Variants in NRK observed in about 807,000 individuals in gnomAD.
NRK encodes the protein Nik related kinase, also known as nik-related protein kinase.
Under a neutral mutation model 125.2 loss-of-function variants are expected in NRK, and 67 were observed. The ratio of observed to expected loss-of-function variants is 0.54; its 90% CI spans 0.44 to 0.66. The LOEUF (loss-of-function observed/expected upper bound fraction) is 0.66. Ranked by LOEUF, NRK falls within the 30% of genes least tolerant of loss-of-function variation. NRK has a pLI of 0.00. For missense variants in NRK, 1,224 were observed against 1,192.9 expected, an observed-to-expected ratio of 1.03 and a Z score of -0.38; for synonymous variants, 458 against 429.0, an observed-to-expected ratio of 1.07 and a Z score of -0.84.
intron 2 of NRK, among the ~76,000 whole-genome samples, chrX:105,872,619 C>G (rs973917938): frequency 9.0e-6 from 1 of 111,391 alleles, no homozygotes; most frequent in Non-Finnish European, 1.9e-5. Flanking sequence ...CCTGAATGTT[C>G]TGATCCCATC....
intron 9 of NRK, among the ~76,000 whole-genome samples, chrX:105,905,036 A>G (rs372435964): frequency 5.9e-4 from 66 of 112,499 alleles, no homozygotes; most frequent in African/African-American, 2.0e-3. Flanking sequence ...GTTTATTATT[A>G]ATTTATCCTA....
rs936018978 is a variant in NRK, at chrX:105,908,286, C to T, written c.1068C>T (p.Tyr356=). 3.7e-6 allele frequency: 4 copies of T among 1,073,798 alleles called. No homozygotes were observed. In the Admixed American group the frequency reaches 1.2e-4, roughly 31 times the overall value. 88.5% of individuals were successfully genotyped at this position (1,073,798 alleles called of 1,213,427 possible). Residue 356 remains tyrosine (Y), a synonymous_variant, in exon 12 of 29, where the codon TAC becomes TAT. Coordinates refer to ENST00000243300, the MANE Select transcript of NRK (RefSeq NM_198465.4). ...FEREEAIKEQ[Y]TVRRFRGPSC... is the part of the protein sequence containing the mutation. ...GAGAAGAAGCTATTAAGGAACAGTA[C>T]ACCGTGAGAAGATTCAGGTGCGTTC...
At chrX:105,955,051 A>G (rs922591483) in intron 28 of NRK, among the ~76,000 whole-genome samples, 7 of 111,452 alleles carry the variant, frequency 6.3e-5, no homozygotes, top group Non-Finnish European at 7.5e-5. Flanking sequence ...AAAATAATGA[A>G]AAGAAAAAAA....
chrX:105,912,774 G>A lies in NRK; in HGVS notation c.2349+19G>A, dbSNP rs932009994. The A allele has an allele frequency of 3.7e-6, 3 of 817,198 alleles. No homozygotes were observed. Among genetic ancestry groups the A allele is most frequent in the African/African-American group, 2.1e-5 (1 of 47,270 alleles). The allele number at this position is 817,198 out of a possible 1,213,427, so 67.3% of individuals were successfully genotyped here. On this transcript the variant is annotated intron_variant, in intron 14 of 28. Coordinates refer to ENST00000243300, the MANE Select transcript of NRK (RefSeq NM_198465.4). Reference sequence around the variant, plus strand: ...AATTGAGGTAAATTTTTCAATATGAGTTGTTGTGACATTAGTAAGAACCCA... The same window carrying A: ...AATTGAGGTAAATTTTTCAATATGAATTGTTGTGACATTAGTAAGAACCCA...
intron 8 of NRK, among the ~76,000 whole-genome samples, chrX:105,899,614 T>C (rs1402570229): frequency 1.8e-5 from 2 of 111,972 alleles, no homozygotes; most frequent in Non-Finnish European, 3.8e-5. Context: ...CTTTCACCTG[T>C]ATTCGTTATT....
rs748203697 is a variant in NRK, at chrX:105,895,436, T to C, written c.493T>C (p.Leu165=). The C allele has an allele frequency of 1.9e-5, 22 of 1,185,776 alleles. No individual in the cohort carries two copies. In the African/African-American group the frequency reaches 3.7e-4, roughly 20 times the overall value. The change falls in exon 7 of 29, where the codon TTA becomes CTA. Residue 165 remains leucine, a synonymous_variant. Coordinates refer to ENST00000243300, the MANE Select transcript of NRK (RefSeq NM_198465.4). ...AYICREILQG[L]AHLHAHRVIH... ...GCTTTTTAAAAAATATATACAGGGCTTAGCTCACCTTCACGCACACCGAGT... is the reference window on the plus strand; with the variant it reads ...GCTTTTTAAAAAATATATACAGGGCCTAGCTCACCTTCACGCACACCGAGT...
chrX:105,913,798 T>TG (rs2040331496), intron 14 of NRK, among the ~76,000 whole-genome samples: 1 of 111,525 alleles, frequency 9.0e-6, no homozygotes, highest in Admixed American at 9.6e-5. Context: ...AGCTCTGGTC[T>TG]GGAATGCAGT....
rs775686055 is a variant in NRK at position 105,908,877 on chromosome X, A to AT, written c.1236_1237insT (p.Ala413CysfsTer15). ...AGGCACTTCAGCAGCTACAGGGAGC[A>AT]GCCAGGGTATTCATGCCACTGCAGG... On this transcript the variant is annotated frameshift_variant, in exon 13 of 29. Coordinates refer to ENST00000243300, the MANE Select transcript of NRK (RefSeq NM_198465.4). LOFTEE classifies it high-confidence loss of function. 4 of 1,210,727 alleles carry AT rather than the reference A, an allele frequency of 3.3e-6. No individual in the cohort carries two copies. Among genetic ancestry groups the AT allele is most frequent in the Non-Finnish European group, 3.4e-6 (3 of 894,719 alleles).
At chrX:105,949,552 A>T in intron 26 of NRK, 23 bp from the exon 27 acceptor site, 1 of 1,154,602 alleles carries the variant, frequency 8.7e-7, no homozygotes, top group Non-Finnish European at 1.2e-6. Context: ...GGACATATAA[A>T]TCTTTATGAA....
At chrX:105,918,059 G>T (rs995663228) in intron 16 of NRK, among the ~76,000 whole-genome samples, 4 of 110,713 alleles carry the variant, frequency 3.6e-5, no homozygotes, top group African/African-American at 1.3e-4. Flanking sequence ...TTGTGAGTGT[G>T]TGTTTCATTT....
intron 2 of NRK, among the ~76,000 whole-genome samples, chrX:105,842,977 G>T (rs1169799943): frequency 8.9e-6 from 1 of 111,738 alleles, no homozygotes; most frequent in African/African-American, 3.3e-5. Context: ...TTCAATGACA[G>T]TAGAAAACCA....
intron 2 of NRK, among the ~76,000 whole-genome samples, chrX:105,873,272 T>C (rs2039771268): frequency 1.8e-5 from 2 of 111,712 alleles, no homozygotes; most frequent in Non-Finnish European, 3.8e-5. Context: ...TCAAGGACTG[T>C]CCTGTATTCT....
intron 2 of NRK, among the ~76,000 whole-genome samples, chrX:105,872,123 C>T (rs1394193493): frequency 9.0e-6 from 1 of 111,099 alleles, no homozygotes; most frequent in East Asian, 2.9e-4. Flanking sequence ...GAAGAATTTC[C>T]CAAATTTGAT....
intron 2 of NRK, among the ~76,000 whole-genome samples, chrX:105,850,075 T>C (rs1386153190): frequency 1.8e-5 from 2 of 112,384 alleles, no homozygotes; most frequent in East Asian, 2.8e-4. Flanking sequence ...GCGGCAAACC[T>C]TTGCCTGGTG....
At chrX:105,886,879 A>C (rs199763345) in intron 4 of NRK, among the ~76,000 whole-genome samples, 2 of 111,367 alleles carry the variant, frequency 1.8e-5, no homozygotes, top group East Asian at 5.6e-4. Context: ...ATAGTATGGT[A>C]CTGTCCATCC....
rs1188240203 is a variant in NRK at position 105,955,054 on chromosome X, G to GA, written c.4654-442dup. ...TTTTAATATTAAAAAATAATGAAAA[G>GA]AAAAAAAAAGAAAATTGTACCAAGT... is the stretch of plus-strand genomic sequence containing the variant. On this transcript the variant is annotated intron_variant, in intron 28 of 28. Coordinates refer to ENST00000243300, the MANE Select transcript of NRK (RefSeq NM_198465.4). Among the ~76,000 whole-genome samples the GA allele has an allele frequency of 1.4e-4, 15 of 106,903 alleles. No individual in the cohort carries two copies. In the South Asian group the frequency reaches 2.3e-3, roughly 17 times the overall value. The allele number at this position is 106,903 out of a possible 115,157, so 92.8% of individuals were successfully genotyped here.
chrX:105,914,434 C>T (rs2040339607), intron 14 of NRK, among the ~76,000 whole-genome samples: 1 of 111,371 alleles, frequency 9.0e-6, no homozygotes, highest in South Asian at 3.7e-4. Flanking sequence ...TGAGCTGTGT[C>T]TGATTTGAAA....
chrX:105,851,965 CT>C (rs759042931), intron 2 of NRK, among the ~76,000 whole-genome samples: 178 of 112,117 alleles, frequency 1.6e-3, no homozygotes, highest in South Asian at 0.016. Context: ...TATTAAACAG[CT>C]GATTGATTTG....
intron 2 of NRK, among the ~76,000 whole-genome samples, chrX:105,861,013 C>CAT (rs780898169): frequency 5.4e-5 from 6 of 110,837 alleles, no homozygotes; most frequent in Non-Finnish European, 1.1e-4. Flanking sequence ...TTTGCTGGGT[C>CAT]ATATGGTAAC....
Sources: gnomAD v4.1 joint callset for allele counts (sites outside exome capture counted in the v4.1 genomes callset) on GRCh38, gnomAD v4.1.1 for gene constraint, MANE v1.5 for transcripts, NCBI Gene and HGNC (gene_info 2026-07-23, HGNC 2026-07-21) for gene names.